The following NAALADL2 variants were observed in gnomAD, a reference collection of about 807,000 sequenced individuals.
The protein encoded by NAALADL2 is N-acetylated alpha-linked acidic dipeptidase like 2.
A neutral mutation model predicts 87.2 loss-of-function variants in NAALADL2; 76 were observed. That is an observed-to-expected ratio of 0.87 (90% CI 0.72 to 1.05). NAALADL2 has a LOEUF of 1.05. Ranked by LOEUF, NAALADL2 falls within the 50% of genes least tolerant of loss-of-function variation. The probability of loss-of-function intolerance (pLI) is 0.00; values close to 1 mark genes in which losing one functional copy is unlikely to be tolerated. For synonymous variants in NAALADL2, 354 were observed against 331.0 expected (o/e 1.07, Z -0.75); for missense variants, 1,089 against 945.8 (o/e 1.15, Z -1.99).
chr3:175,391,414 C>T (rs188188802), intron 5 of NAALADL2, among the ~76,000 whole-genome samples: 6 of 152,276 alleles, frequency 3.9e-5, no homozygotes, highest in Admixed American at 2.6e-4. Context: ...CTTGATCTCT[C>T]GCTGTCTCAC....
At chr3:174,848,430 T>G (rs1724879814) in intron 3 of NAALADL2, among the ~76,000 whole-genome samples, 1 of 152,154 alleles carries the variant, frequency 6.6e-6, no homozygotes, top group African/African-American at 2.4e-5. Flanking sequence ...ACTTTCTTTT[T>G]GAAATCACTT....
chr3:175,007,428 G>A (rs1054879817), intron 1 of NAALADL2, among the ~76,000 whole-genome samples: 7 of 152,154 alleles, frequency 4.6e-5, no homozygotes, highest in Admixed American at 3.9e-4. Flanking sequence ...AGGCATGGGA[G>A]TAGAGTTGGG....
At chr3:175,206,766 A>G (rs895140039) in intron 2 of NAALADL2, among the ~76,000 whole-genome samples, 3 of 152,160 alleles carry the variant, frequency 2.0e-5, no homozygotes, top group Admixed American at 6.5e-5. Flanking sequence ...AGTCGTTGGC[A>G]GCACAGAGTA....
chr3:174,679,648 C>G (rs1196371367), intron 2 of NAALADL2, among the ~76,000 whole-genome samples: 1 of 152,102 alleles, frequency 6.6e-6, no homozygotes, highest in African/African-American at 2.4e-5. Context: ...CTCGTTCCAC[C>G]CACTCAGCTG....
chr3:175,710,036 T>C (rs1251623599), intron 11 of NAALADL2, among the ~76,000 whole-genome samples: 2 of 151,684 alleles, frequency 1.3e-5, no homozygotes, highest in Non-Finnish European at 2.9e-5. Context: ...TTTTCTTGTA[T>C]TTTTTTTAAG....
intron 2 of NAALADL2, among the ~76,000 whole-genome samples, chr3:175,127,038 C>T (rs1727074878): frequency 6.6e-6 from 1 of 151,920 alleles, no homozygotes; most frequent in South Asian, 2.1e-4. Context: ...TGAAATCGCC[C>T]TGAGGAACCA....
At position 175,021,326 on chromosome 3, in the gene NAALADL2, A is replaced by G. The variant is rs577204170; in HGVS notation, c.44-75464A>G. 7.9e-4 allele frequency among the ~76,000 whole-genome samples: 121 copies of G among 152,206 alleles called. 3 individuals carry two copies. Among genetic ancestry groups the G allele is most frequent in the Admixed American group, 2.0e-3 (31 of 15,252 alleles). On this transcript the variant is annotated intron_variant, in intron 1 of 13. Transcript: ENST00000454872. The stretch of plus-strand genomic sequence containing the variant: ...ACTGTGTTTCTAGTACCTGTATAGT[A>G]CTATACAAAGTATACATGGTCAATA...
At chr3:174,674,026 G>T (rs149221165) in intron 2 of NAALADL2, among the ~76,000 whole-genome samples, 1 of 152,076 alleles carries the variant, frequency 6.6e-6, no homozygotes, top group Admixed American at 6.6e-5. Flanking sequence ...AAGAGAAGAG[G>T]TTTAATTCAC....
chr3:174,962,534 A>C (rs1484601565), intron 1 of NAALADL2, among the ~76,000 whole-genome samples: 1 of 151,208 alleles, frequency 6.6e-6, no homozygotes, highest in Non-Finnish European at 1.5e-5. Context: ...ACATAATAAA[A>C]GGCAGAAGAG....
intron 3 of NAALADL2, among the ~76,000 whole-genome samples, chr3:174,797,564 C>G (rs1222231718): frequency 2.0e-5 from 3 of 151,860 alleles, no homozygotes; most frequent in African/African-American, 4.8e-5. Flanking sequence ...TATTTTTATA[C>G]CACTTCCATG....
intron 1 of NAALADL2, among the ~76,000 whole-genome samples, chr3:174,994,414 C>T (rs1213189776): frequency 6.6e-6 from 1 of 152,192 alleles, no homozygotes; most frequent in Non-Finnish European, 1.5e-5. Flanking sequence ...ACATTCTTAA[C>T]ACTTTAAATA....
chr3:175,713,759 C>A (rs1443122500), intron 11 of NAALADL2, among the ~76,000 whole-genome samples: 1 of 151,866 alleles, frequency 6.6e-6, no homozygotes, highest in Non-Finnish European at 1.5e-5. Flanking sequence ...ACTTTAAGTT[C>A]TGGGATACAT....
chr3:174,608,803 A>T (rs1263768581), intron 2 of NAALADL2, among the ~76,000 whole-genome samples: 1 of 150,400 alleles, frequency 6.6e-6, no homozygotes, highest in Non-Finnish European at 1.5e-5. Flanking sequence ...ATCCTCCCTA[A>T]CTCATTTTAT....
At chr3:175,776,121 T>C (rs1335958795) in intron 13 of NAALADL2, 1 of 152,056 alleles carries the variant, frequency 6.6e-6, no homozygotes, top group African/African-American at 2.4e-5. Context: ...TCACCTTCAT[T>C]TCTACACATT....
At chr3:174,909,581 A>G (rs1291488841) in intron 1 of NAALADL2, among the ~76,000 whole-genome samples, 1 of 152,110 alleles carries the variant, frequency 6.6e-6, no homozygotes, top group Non-Finnish European at 1.5e-5. Flanking sequence ...ATATTGTTGA[A>G]ACATTCAAAA....
chr3:174,864,292 G>A (rs1444013976), intron 1 of NAALADL2, among the ~76,000 whole-genome samples: 1 of 152,100 alleles, frequency 6.6e-6, no homozygotes, highest in Non-Finnish European at 1.5e-5. Context: ...CTAAGTGGAA[G>A]TGGAATCTTT....
intron 1 of NAALADL2, among the ~76,000 whole-genome samples, chr3:174,918,661 G>C (rs1446926789): frequency 6.6e-6 from 1 of 152,084 alleles, no homozygotes; most frequent in Non-Finnish European, 1.5e-5. Flanking sequence ...GGCCAAGAAG[G>C]GGGGCCCATA....
chr3:175,693,184 T>A (rs753157042), intron 11 of NAALADL2, among the ~76,000 whole-genome samples: 36 of 152,096 alleles, frequency 2.4e-4, no homozygotes, highest in Non-Finnish European at 2.9e-4. Flanking sequence ...GACAGGGAAA[T>A]TCATCCAAGC....
intron 9 of NAALADL2, among the ~76,000 whole-genome samples, chr3:175,557,035 C>T (rs1715385817): frequency 6.6e-6 from 1 of 152,184 alleles, no homozygotes; most frequent in African/African-American, 2.4e-5. Flanking sequence ...TGGAAATGTA[C>T]ATAAAAGTGA....
Sources: allele counts gnomAD v4.1 joint callset (sites outside exome capture counted in the v4.1 genomes callset), GRCh38; gene constraint gnomAD v4.1.1; transcripts MANE v1.5; gene names NCBI Gene and HGNC (gene_info 2026-07-23, HGNC 2026-07-21).